The following SETBP1 variants were observed in gnomAD, a reference collection of about 807,000 sequenced individuals.
The protein encoded by SETBP1 is SET binding protein 1.
A neutral mutation model predicts 101.0 loss-of-function variants in SETBP1; 9 were observed. The observed-to-expected ratio is 0.09, with a 90% CI of 0.05 to 0.16. The LOEUF (loss-of-function observed/expected upper bound fraction) is 0.16. Among genes scored for constraint, SETBP1 ranks in the 10% least tolerant of loss-of-function variants. The probability of loss-of-function intolerance (pLI) is 1.00; values close to 1 mark genes in which losing one functional copy is unlikely to be tolerated. For missense variants in SETBP1, 1,858 were observed against 2,033.8 expected, an observed-to-expected ratio of 0.91 and a Z score of 1.66; for synonymous variants, 818 against 788.5, an observed-to-expected ratio of 1.04 and a Z score of -0.63.
At chr18:44,711,970 T>A (rs540139838) in intron 2 of SETBP1, among the ~76,000 whole-genome samples, 1 of 152,346 alleles carries the variant, frequency 6.6e-6, no homozygotes, top group African/African-American at 2.4e-5. Flanking sequence ...TTTTTCTCCC[T>A]GCCTGCCCCT....
intron 4 of SETBP1, among the ~76,000 whole-genome samples, chr18:45,004,445 C>T (rs2072683045): frequency 6.6e-6 from 1 of 152,236 alleles, no homozygotes; most frequent in Admixed American, 6.5e-5. Context: ...GTAAACTTCA[C>T]TTTCTATTGT....
intron 3 of SETBP1, among the ~76,000 whole-genome samples, chr18:44,884,508 T>C (rs1057075684): frequency 2.6e-5 from 4 of 152,162 alleles, no homozygotes; most frequent in African/African-American, 7.2e-5. Context: ...CATGGCAGCA[T>C]TGGGAGCCCA....
chr18:44,782,745 C>T (rs928478403), intron 2 of SETBP1, among the ~76,000 whole-genome samples: 7 of 152,050 alleles, frequency 4.6e-5, no homozygotes, highest in Non-Finnish European at 1.0e-4. Flanking sequence ...ATGTCTAGGT[C>T]AGTCTGGAAC....
chr18:44,987,777 C>T (rs1348220523), intron 4 of SETBP1: 1 of 152,050 alleles, frequency 6.6e-6, no homozygotes, highest in Non-Finnish European at 1.5e-5. Context: ...AGTCTCTCAC[C>T]CTGTTTACTA....
chr18:45,041,285 CAA>C (rs1328955375), intron 5 of SETBP1, among the ~76,000 whole-genome samples: 2 of 152,108 alleles, frequency 1.3e-5, no homozygotes, highest in African/African-American at 4.8e-5. Flanking sequence ...TAGCTTTAGC[CAA>C]AGCCAAGCAC....
intron 2 of SETBP1, among the ~76,000 whole-genome samples, chr18:44,800,042 T>A (rs1191489811): frequency 6.6e-6 from 1 of 152,162 alleles, no homozygotes; most frequent in Non-Finnish European, 1.5e-5. Context: ...AATCATTCCC[T>A]ACCAGAGTTA....
chr18:44,998,164 A>T (rs2072538630), intron 4 of SETBP1, among the ~76,000 whole-genome samples: 1 of 152,234 alleles, frequency 6.6e-6, no homozygotes, highest in Non-Finnish European at 1.5e-5. Context: ...GTGGTGAGAA[A>T]GTTCTTGTTA....
At chr18:44,835,385 C>T (rs1282548091) in intron 2 of SETBP1, among the ~76,000 whole-genome samples, 1 of 151,560 alleles carries the variant, frequency 6.6e-6, no homozygotes, top group Non-Finnish European at 1.5e-5. Context: ...CTCTTTGCTC[C>T]CTGCCCTCAG....
chr18:44,686,684 A>G (rs1366471786), intron 1 of SETBP1, among the ~76,000 whole-genome samples: 1 of 152,212 alleles, frequency 6.6e-6, no homozygotes, highest in Non-Finnish European at 1.5e-5. Flanking sequence ...AATGTTGTTT[A>G]AGGTGTATTA....
intron 4 of SETBP1, among the ~76,000 whole-genome samples, chr18:44,980,679 T>G (rs2072095340): frequency 6.6e-6 from 1 of 152,148 alleles, no homozygotes; most frequent in South Asian, 2.1e-4. Flanking sequence ...CTGCTCACCT[T>G]CACTGAAGGC....
chr18:44,959,479 A>G (rs904249875), intron 4 of SETBP1, among the ~76,000 whole-genome samples: 1 of 152,248 alleles, frequency 6.6e-6, no homozygotes, highest in African/African-American at 2.4e-5. Flanking sequence ...AATGCCTAGT[A>G]TGTATAAGGC....
At chr18:44,970,583 C>T (rs1427643951) in intron 4 of SETBP1, among the ~76,000 whole-genome samples, 1 of 151,594 alleles carries the variant, frequency 6.6e-6, no homozygotes, top group African/African-American at 2.4e-5. Context: ...CAGAGTGTTG[C>T]TCTTGTTCCC....
intron 3 of SETBP1, among the ~76,000 whole-genome samples, chr18:44,885,222 G>A (rs1456450077): frequency 1.3e-5 from 2 of 152,068 alleles, no homozygotes; most frequent in Non-Finnish European, 2.9e-5. Flanking sequence ...AAATGGCCTT[G>A]ATCAACATTT....
chr18:45,039,348 C>G (rs1338346818), intron 5 of SETBP1, among the ~76,000 whole-genome samples: 2 of 152,216 alleles, frequency 1.3e-5, no homozygotes, highest in African/African-American at 4.8e-5. Context: ...GTGCCCACCT[C>G]CACTGTGTCA....
chr18:44,935,634 A>C (rs979114973), intron 3 of SETBP1, among the ~76,000 whole-genome samples: 1 of 152,204 alleles, frequency 6.6e-6, no homozygotes, highest in Admixed American at 6.5e-5. Flanking sequence ...AGTACCTGTT[A>C]AAAACACCAG....
intron 3 of SETBP1, among the ~76,000 whole-genome samples, chr18:44,909,496 C>T: frequency 6.6e-6 from 1 of 152,218 alleles, no homozygotes; most frequent in Non-Finnish European, 1.5e-5. Flanking sequence ...AGTCTGTCCT[C>T]TGAACTTAGG....
At chr18:44,836,907 G>A (rs2072507985) in intron 2 of SETBP1, among the ~76,000 whole-genome samples, 1 of 152,162 alleles carries the variant, frequency 6.6e-6, no homozygotes, top group African/African-American at 2.4e-5. Context: ...TTGGGGCCCT[G>A]TCACTTACAT....
At chr18:44,946,206 C>T (rs2071203835) in intron 3 of SETBP1, among the ~76,000 whole-genome samples, 1 of 152,164 alleles carries the variant, frequency 6.6e-6, no homozygotes, top group African/African-American at 2.4e-5. Context: ...CTTTGTTGTG[C>T]TTCCCTTTTG....
In SETBP1 at chr18:44,964,914, G is replaced by A. The variant is rs75860955; in HGVS notation, c.4000+11574G>A. ...CTCGTGATAACCTTTCCTTCTGCAT[G>A]TTGTGTCATTATCCAAACGGGGATA... On this transcript the variant is annotated intron_variant, in intron 4 of 5. Coordinates refer to ENST00000649279, the MANE Select transcript of SETBP1 (RefSeq NM_015559.3). Among the ~76,000 whole-genome samples, 529 of 152,278 alleles carry A rather than the reference G, an allele frequency of 3.5e-3. 1 individual carries two copies. The highest frequency in any genetic ancestry group is 0.012 in the African/African-American group (484 of 41,546).
Sources: allele counts gnomAD v4.1 joint callset (sites outside exome capture counted in the v4.1 genomes callset), GRCh38; gene constraint gnomAD v4.1.1; transcripts MANE v1.5; gene names NCBI Gene and HGNC (gene_info 2026-07-23, HGNC 2026-07-21).